Variants in PRKN observed in about 807,000 individuals in gnomAD.
The protein encoded by PRKN is E3 ubiquitin-protein ligase parkin.
Under a neutral mutation model 59.5 loss-of-function variants are expected in PRKN, and 56 were observed. The observed-to-expected ratio is 0.94, with a 90% CI of 0.76 to 1.18. The LOEUF (loss-of-function observed/expected upper bound fraction) is 1.18, where lower values mean the gene tolerates loss of function less well. PRKN is among the 50% of genes most tolerant of loss of function. PRKN has a pLI of 0.00. For synonymous variants in PRKN, 250 were observed against 222.1 expected (o/e 1.13, Z -1.12); for missense variants, 657 against 596.4 (o/e 1.10, Z -1.06).
chr6:162,642,643 G>C (rs1778006022), intron 1 of PRKN, among the ~76,000 whole-genome samples: 1 of 151,750 alleles, frequency 6.6e-6, no homozygotes. Context: ...AGACTAAGTA[G>C]TTGCTTCATG....
chr6:161,512,571 C>T lies in PRKN; in HGVS notation c.1083+36283G>A, dbSNP rs367821052. 7.2e-5 allele frequency among the ~76,000 whole-genome samples: 11 copies of T among 152,270 alleles called. No homozygotes were observed. In the East Asian group the frequency reaches 9.7e-4, roughly 13 times the overall value. On this transcript the variant is annotated intron_variant, in intron 9 of 11. Coordinates refer to ENST00000366898, the MANE Select transcript of PRKN (RefSeq NM_004562.3). Reference sequence around the variant, plus strand: ...CTTTCAGGTCACCATATTGAACACACCTGGCTTGGACTGAAATTCCTGGTG... The same window carrying T: ...CTTTCAGGTCACCATATTGAACACATCTGGCTTGGACTGAAATTCCTGGTG...
chr6:162,165,004 C>T (rs1338911599), intron 4 of PRKN, among the ~76,000 whole-genome samples: 1 of 148,480 alleles, frequency 6.7e-6, no homozygotes, highest in African/African-American at 2.6e-5. Flanking sequence ...GGTATCTTTA[C>T]TCTGTCTTTA....
intron 5 of PRKN, among the ~76,000 whole-genome samples, chr6:161,983,816 T>C (rs1781333146): frequency 9.3e-6 from 1 of 107,686 alleles, no homozygotes; most frequent in Non-Finnish European, 1.9e-5. Flanking sequence ...AGATGACACA[T>C]TAGTGGGTGC....
At chr6:162,360,237 C>G (rs1238924824) in intron 2 of PRKN, among the ~76,000 whole-genome samples, 3 of 152,058 alleles carry the variant, frequency 2.0e-5, no homozygotes, top group Non-Finnish European at 4.4e-5. Context: ...ACTTACGGTC[C>G]ATTTATTTTT....
chr6:162,673,046 C>A (rs1779393894), intron 1 of PRKN, among the ~76,000 whole-genome samples: 1 of 152,100 alleles, frequency 6.6e-6, no homozygotes, highest in Admixed American at 6.6e-5. Context: ...GCAAAGCATT[C>A]AATATGTAAG....
At chr6:162,563,314 AAAC>A (rs1779929826) in intron 1 of PRKN, among the ~76,000 whole-genome samples, 1 of 85,736 alleles carries the variant, frequency 1.2e-5, no homozygotes, top group Non-Finnish European at 2.3e-5. Flanking sequence ...AAAAAACAAA[AAAC>A]AAAAAAAAAA....
At chr6:162,359,553 C>G in intron 2 of PRKN, among the ~76,000 whole-genome samples, 1 of 150,860 alleles carries the variant, frequency 6.6e-6, no homozygotes, top group Non-Finnish European at 1.5e-5. Context: ...GTTAAGTATT[C>G]CTTTTTCTTT....
intron 2 of PRKN, among the ~76,000 whole-genome samples, chr6:162,442,420 C>T (rs146297360): frequency 2.4e-4 from 36 of 152,324 alleles, no homozygotes; most frequent in Non-Finnish European, 4.9e-4. Flanking sequence ...GAAAGCGTTT[C>T]GTCTTTCTTG....
intron 9 of PRKN, among the ~76,000 whole-genome samples, chr6:161,408,437 T>A (rs1054255561): frequency 6.7e-6 from 1 of 150,080 alleles, no homozygotes; most frequent in African/African-American, 2.4e-5. Flanking sequence ...GAGTCAAAAA[T>A]CCCATGTCCA....
chr6:161,434,283 A>T (rs1788783349), intron 9 of PRKN, among the ~76,000 whole-genome samples: 1 of 151,262 alleles, frequency 6.6e-6, no homozygotes. Context: ...GCCATAGATC[A>T]TAGGGAAAAT....
At chr6:162,687,142 T>C (rs1777595197) in intron 1 of PRKN, among the ~76,000 whole-genome samples, 1 of 151,910 alleles carries the variant, frequency 6.6e-6, no homozygotes, top group African/African-American at 2.4e-5. Context: ...GTTTTAACAA[T>C]ATTAATTCTT....
chr6:161,365,171 G>A (rs368553336), intron 10 of PRKN, among the ~76,000 whole-genome samples: 1 of 142,774 alleles, frequency 7.0e-6, no homozygotes, highest in African/African-American at 2.6e-5. Context: ...AGAAGTAAAA[G>A]TAAAACTATA....
intron 6 of PRKN, among the ~76,000 whole-genome samples, chr6:161,854,917 T>C (rs1365962884): frequency 2.0e-5 from 3 of 151,780 alleles, no homozygotes; most frequent in Non-Finnish European, 2.9e-5. Context: ...ACACTGTCTC[T>C]ACCAAAAATA....
intron 1 of PRKN, among the ~76,000 whole-genome samples, chr6:162,503,432 G>A (rs1036079452): frequency 2.0e-5 from 3 of 151,988 alleles, no homozygotes; most frequent in South Asian, 2.1e-4. Flanking sequence ...CCAGAGTGCC[G>A]GGATTACAGG....
In PRKN at chr6:162,355,891, A is replaced by T. The variant is rs190886875; in HGVS notation, c.171+87419T>A. 1.8e-4 allele frequency among the ~76,000 whole-genome samples: 27 copies of T among 152,290 alleles called. No individual in the cohort carries two copies. In the East Asian group the frequency reaches 5.0e-3, roughly 28 times the overall value. On this transcript the variant is annotated intron_variant, in intron 2 of 11. Coordinates refer to ENST00000366898, the MANE Select transcript of PRKN (RefSeq NM_004562.3). ...TTTACCTTAACTGATCTATTTGACA[A>T]AAACTCAAATGTAAATTATTAAGAG...
chr6:162,332,014 T>C (rs561832423), intron 2 of PRKN, among the ~76,000 whole-genome samples: 7 of 152,188 alleles, frequency 4.6e-5, no homozygotes, highest in Non-Finnish European at 1.0e-4. Context: ...TCTTGTGACC[T>C]ATGTAGTTAA....
intron 9 of PRKN, among the ~76,000 whole-genome samples, chr6:161,520,969 A>C (rs1201202325): frequency 1.3e-5 from 2 of 152,218 alleles, no homozygotes; most frequent in African/African-American, 2.4e-5. Flanking sequence ...GAGCTTAATT[A>C]AACATATAAC....
chr6:161,889,485 G>C (rs73604806), intron 6 of PRKN, among the ~76,000 whole-genome samples: 2 of 152,140 alleles, frequency 1.3e-5, no homozygotes, highest in African/African-American at 2.4e-5. Flanking sequence ...TAAAGGGAGC[G>C]CCTTAAAGGT....
At chr6:161,897,449 T>C (rs1190576374) in intron 6 of PRKN, among the ~76,000 whole-genome samples, 2 of 152,160 alleles carry the variant, frequency 1.3e-5, no homozygotes, top group East Asian at 1.9e-4. Context: ...GTATTATCTC[T>C]TTTTTAGGCC....
Sources: gnomAD v4.1 joint callset for allele counts (sites outside exome capture counted in the v4.1 genomes callset) on GRCh38, gnomAD v4.1.1 for gene constraint, MANE v1.5 for transcripts, NCBI Gene and HGNC (gene_info 2026-07-23, HGNC 2026-07-21) for gene names.